The following RPS6KA1 variants were observed in gnomAD, a reference collection of about 807,000 sequenced individuals.
RPS6KA1 encodes ribosomal protein S6 kinase alpha-1.
A neutral mutation model predicts 91.3 loss-of-function variants in RPS6KA1; 48 were observed. That is an observed-to-expected ratio of 0.53 (90% CI 0.42 to 0.67). The LOEUF (loss-of-function observed/expected upper bound fraction) is 0.67. Ranked by LOEUF, RPS6KA1 falls within the 30% of genes least tolerant of loss-of-function variation. The pLI, the probability that RPS6KA1 is intolerant of heterozygous loss-of-function variation, is 0.00. For synonymous variants in RPS6KA1, 359 were observed against 384.7 expected (o/e 0.93, Z 0.78); for missense variants, 719 against 960.5 (o/e 0.75, Z 3.32).
Position 26,556,642 on chromosome 1 carries a change from G to T in RPS6KA1, c.917-12G>T. The T allele has an allele frequency of 2.5e-6, 4 of 1,614,094 alleles. No individual in the cohort carries two copies. Among genetic ancestry groups the T allele is most frequent in the Non-Finnish European group, 3.4e-6 (4 of 1,179,962 alleles). On this transcript the variant is annotated splice_polypyrimidine_tract_variant and intron_variant, in intron 11 of 21. Coordinates refer to ENST00000374168, the MANE Select transcript of RPS6KA1 (RefSeq NM_002953.4). ...CCAGCCAGGGACAGACCCTTCATTT[G>T]GGCTCTTTCAGGCTCCGGCCCTGAT... is the stretch of plus-strand genomic sequence containing the variant.
intron 17 of RPS6KA1, among the ~76,000 whole-genome samples, chr1:26,564,617 C>T (rs924481792): frequency 6.6e-6 from 1 of 152,172 alleles, no homozygotes; most frequent in Non-Finnish European, 1.5e-5. Flanking sequence ...TTATAAAGAT[C>T]CTCATCTAAT....
chr1:26,561,619 C>T lies in RPS6KA1; in HGVS notation c.1546C>T (p.Leu516=). 3 of 1,613,498 alleles carry T rather than the reference C, an allele frequency of 1.9e-6. No homozygotes were observed. Among genetic ancestry groups the T allele is most frequent in the Non-Finnish European group, 2.5e-6 (3 of 1,179,642 alleles). Residue 516 remains leucine, a synonymous_variant, in exon 17 of 22, where the codon CTG becomes TTG. Transcript: ENST00000374168. This position sits in a 1 kb window ranked among gnomAD's most constrained non-coding sequence, Gnocchi z 5.7. ...FFSEREASFV[L]HTIGKTVEYL... ...CTCAGAGCGGGAGGCCAGCTTTGTC[C>T]TGCACACCATTGGCAAAACTGTGGA...
intron 13 of RPS6KA1, among the ~76,000 whole-genome samples, chr1:26,557,512 C>T (rs2076113153): frequency 6.6e-6 from 1 of 152,188 alleles, no homozygotes; most frequent in African/African-American, 2.4e-5. Context: ...AGGTCAGGGA[C>T]AGGCATGGGA....
At chr1:26,536,993 GAGC>G in intron 2 of RPS6KA1, 24 bp downstream of exon 2, 1 of 1,613,832 alleles carries the variant, frequency 6.2e-7, no homozygotes, top group South Asian at 1.1e-5. Context: ...CCAGCACCCT[GAGC>G]GAGGGGCTGT....
intron 14 of RPS6KA1, 66 bp downstream of exon 14, chr1:26,559,003 T>C: frequency 1.3e-6 from 2 of 1,560,080 alleles, no homozygotes; most frequent in Non-Finnish European, 1.7e-6. Flanking sequence ...ACACAGGCTC[T>C]GAGTTGGACA....
rs1217072695 is a variant in RPS6KA1 at position 26,554,565 on chromosome 1, A to T, written c.614-31A>T. 2 of 1,595,052 alleles carry T rather than the reference A, an allele frequency of 1.3e-6. No individual in the cohort carries two copies. The highest frequency in any genetic ancestry group is 2.2e-5 in the East Asian group (1 of 44,448). On this transcript the variant is annotated intron_variant, in intron 8 of 21. Transcript: ENST00000374168. This position sits in a 1 kb window ranked among gnomAD's most constrained non-coding sequence, Gnocchi z 4.6. ...TGGCAGCAAGGAAGGCAGGGGTCCT[A>T]AGGTGTGTCCTCCTGCCCTCCTTGC...
At position 26,572,210 on chromosome 1, in the gene RPS6KA1, C is replaced by T. The variant is rs1382355923; in HGVS notation, c.1864C>T (p.Pro622Ser). ...ATTTGCCAACGGTCCCAGTGACACA[C>T]CAGAGGAAATCCTAACCCGGATCGG... ...TPFANGPSDTPEEILTRIGSG... is the reference protein window; with the variant it reads ...TPFANGPSDTSEEILTRIGSG... Residue 622 changes from proline to serine, a missense_variant, in exon 20 of 22, where the codon CCA (proline) becomes TCA (serine). Physicochemically the swap from Pro to Ser is moderately conservative, Grantham distance 74. Around this residue, in one of 5 missense-constraint regions of RPS6KA1, gnomAD observed 249 missense variants for 323.1 expected, o/e 0.77. Coordinates refer to ENST00000374168, the MANE Select transcript of RPS6KA1 (RefSeq NM_002953.4). The T allele has an allele frequency of 1.7e-5, 27 of 1,613,854 alleles. No homozygotes were observed. The highest frequency in any genetic ancestry group is 2.3e-5 in the Non-Finnish European group (27 of 1,179,998).
At position 26,567,874 on chromosome 1, in the gene RPS6KA1, G is replaced by A. The variant is rs2076217320; in HGVS notation, c.1591-3575G>A. ...CCCATTTTACAAGTGAGGAAACTGAGGGCTACAGATGTTAAATGTCGTGCC... is the reference window on the plus strand; with the variant it reads ...CCCATTTTACAAGTGAGGAAACTGAAGGCTACAGATGTTAAATGTCGTGCC... On this transcript the variant is annotated intron_variant, in intron 17 of 21. Coordinates refer to ENST00000374168, the MANE Select transcript of RPS6KA1 (RefSeq NM_002953.4). Among the ~76,000 whole-genome samples, 4 of 152,104 alleles carry A rather than the reference G, an allele frequency of 2.6e-5. No homozygotes were observed. In the South Asian group the frequency reaches 8.3e-4, roughly 32 times the overall value.
intron 11 of RPS6KA1, chr1:26,556,068 C>T (rs2076098847): frequency 9.1e-6 from 2 of 219,538 alleles, no homozygotes; most frequent in Non-Finnish European, 1.9e-5. Context: ...CACCTCTCTG[C>T]ACCGCAGGTT....
At chr1:26,570,123 A>C (rs996509569) in intron 17 of RPS6KA1, among the ~76,000 whole-genome samples, 9 of 152,310 alleles carry the variant, frequency 5.9e-5, no homozygotes, top group African/African-American at 2.2e-4. Context: ...AGACTCAGGA[A>C]AAGTTCTGGA....
intron 2 of RPS6KA1, chr1:26,545,815 T>A: frequency 7.0e-7 from 1 of 1,435,562 alleles, no homozygotes; most frequent in Non-Finnish European, 9.1e-7. Flanking sequence ...GCCCTTACCC[T>A]GCACATCCGC....
chr1:26,554,698 A>G lies in RPS6KA1; in HGVS notation c.716A>G (p.His239Arg). The G allele has an allele frequency of 6.2e-7, 1 of 1,612,164 alleles. No homozygotes were observed. The highest frequency in any genetic ancestry group is 8.5e-7 in the Non-Finnish European group (1 of 1,178,632). Residue 239 changes from histidine (H) to arginine (R), a missense_variant, in exon 9 of 22, where the codon CAC becomes CGC. By Grantham distance (29) the His-to-Arg change is conservative. Transcript: ENST00000374168. The surrounding 1 kb of genome is among the most constrained non-coding windows in gnomAD (Gnocchi z 4.6). ...CCTGAGGTCGTCAACCGCCAGGGCC[A>G]CTCCCATAGTGCGGACTGGTGGTCC... ...MAPEVVNRQGHSHSADWWSYG... is the reference protein window; with the variant it reads ...MAPEVVNRQGRSHSADWWSYG...
chr1:26,538,929 G>A (rs1354346216), intron 2 of RPS6KA1, among the ~76,000 whole-genome samples: 1 of 152,214 alleles, frequency 6.6e-6, no homozygotes, highest in Non-Finnish European at 1.5e-5. Context: ...GCAGTGGAAT[G>A]AGCTGGCAAT....
chr1:26,558,565 T>A lies in RPS6KA1; in HGVS notation c.1085-242T>A, dbSNP rs2076125656. Among the ~76,000 whole-genome samples, 1 of 152,184 alleles carries A rather than the reference T, an allele frequency of 6.6e-6. No homozygotes were observed. Among genetic ancestry groups the A allele is most frequent in the African/African-American group, 2.4e-5 (1 of 41,426 alleles). ...GCATCCAGGAAGGGATGAACTGTCT[T>A]GGCCTGGGATGGAGGTGGATGTGAG... On this transcript the variant is annotated intron_variant, in intron 13 of 21. Transcript: ENST00000374168. The surrounding 1 kb of genome is among the most constrained non-coding windows in gnomAD (Gnocchi z 4.0).
At chr1:26,562,615 A>C (rs1205661488) in intron 17 of RPS6KA1, among the ~76,000 whole-genome samples, 5 of 152,174 alleles carry the variant, frequency 3.3e-5, no homozygotes, top group Non-Finnish European at 7.4e-5. Flanking sequence ...GTGAGGTAGG[A>C]AAGTTCATTA....
chr1:26,535,579 T>A (rs1305473026), intron 1 of RPS6KA1, among the ~76,000 whole-genome samples: 1 of 152,094 alleles, frequency 6.6e-6, no homozygotes, highest in Non-Finnish European at 1.5e-5. Context: ...AGGAAACAGA[T>A]GGGCTGGGTT....
chr1:26,568,915 G>A (rs577249108), intron 17 of RPS6KA1, among the ~76,000 whole-genome samples: 1 of 152,002 alleles, frequency 6.6e-6, no homozygotes, highest in Non-Finnish European at 1.5e-5. Context: ...GTCCTCTCAG[G>A]CTGGGCGTAG....
chr1:26,572,128 A>G (rs943126057), intron 19 of RPS6KA1, 48 bp from the exon 20 acceptor site: 37 of 1,513,186 alleles, frequency 2.4e-5, no homozygotes, highest in Non-Finnish European at 3.4e-5. Flanking sequence ...CCCCAGCCCC[A>G]GTATGGAGGC....
chr1:26,567,424 A>G (rs551500392), intron 17 of RPS6KA1, among the ~76,000 whole-genome samples: 1 of 152,174 alleles, frequency 6.6e-6, no homozygotes, highest in Admixed American at 6.5e-5. Context: ...TCTGTCACCC[A>G]GGCTGGAGTA....
Sources: gnomAD v4.1 joint callset for allele counts (sites outside exome capture counted in the v4.1 genomes callset) on GRCh38, gnomAD v4.1.1 for gene constraint, gnomAD v4.1.1 regional missense constraint, Gnocchi (gnomAD v3.1) non-coding constraint, MANE v1.5 for transcripts, NCBI Gene and HGNC (gene_info 2026-07-23, HGNC 2026-07-21) for gene names.